Variants in LDLRAD3 observed in about 807,000 individuals in gnomAD.
The protein encoded by LDLRAD3 is low density lipoprotein receptor class A domain containing 3.
In LDLRAD3, 20 loss-of-function variants were observed where a neutral mutation model predicts 29.4. That is an observed-to-expected ratio of 0.68 (90% CI 0.48 to 0.99). The LOEUF (loss-of-function observed/expected upper bound fraction) is 0.99, where lower values mean the gene tolerates loss of function less well. Ranked by LOEUF, LDLRAD3 falls within the 50% of genes least tolerant of loss-of-function variation. LDLRAD3 has a pLI of 0.00. For missense variants in LDLRAD3, 420 were observed against 454.3 expected (o/e 0.92, Z 0.69); for synonymous variants, 157 against 192.7 (o/e 0.81, Z 1.53).
chr11:36,015,917 C>G (rs900452890), intron 1 of LDLRAD3, among the ~76,000 whole-genome samples: 18 of 152,132 alleles, frequency 1.2e-4, no homozygotes, highest in African/African-American at 4.3e-4. Context: ...TGAATGAGCT[C>G]GTCTGTTTTC....
At chr11:36,127,689 G>A (rs1430535751) in intron 4 of LDLRAD3, among the ~76,000 whole-genome samples, 2 of 152,094 alleles carry the variant, frequency 1.3e-5, no homozygotes, top group Admixed American at 6.5e-5. Flanking sequence ...GAGCCACCAT[G>A]CTAAGTTTTT....
intron 2 of LDLRAD3, among the ~76,000 whole-genome samples, chr11:36,054,328 TTGTA>T (rs1852573624): frequency 6.6e-6 from 1 of 152,180 alleles, no homozygotes; most frequent in South Asian, 2.1e-4. Context: ...TATTTACCCT[TTGTA>T]TGACTGCAGG....
intron 4 of LDLRAD3, among the ~76,000 whole-genome samples, chr11:36,105,864 C>A (rs1771588913): frequency 6.6e-6 from 1 of 152,162 alleles, no homozygotes; most frequent in South Asian, 2.1e-4. Flanking sequence ...GCAGCCGTAG[C>A]CAACTAATAC....
intron 4 of LDLRAD3, among the ~76,000 whole-genome samples, chr11:36,222,481 TGCATATATACCAG>T: frequency 6.6e-6 from 1 of 152,284 alleles, no homozygotes; most frequent in African/African-American, 2.4e-5. Context: ...TAGCCATGCC[TGCATATATACCAG>T]GCACGAATAT....
intron 4 of LDLRAD3, among the ~76,000 whole-genome samples, chr11:36,105,205 T>TTGTGTGTGTGTGTGTGTG (rs10565208): frequency 4.9e-4 from 68 of 138,556 alleles, no homozygotes; most frequent in African/African-American, 1.8e-3. Flanking sequence ...TCTGCAGAAT[T>TTGTGTGTGTGTGTGTGTG]TGTGTGTGTG....
intron 1 of LDLRAD3, among the ~76,000 whole-genome samples, chr11:36,035,800 A>C (rs2281693): frequency 0.17 from 26,382 of 152,162 alleles, 2,294 homozygotes; most frequent in Non-Finnish European, 0.2. Flanking sequence ...TGGCCAGAAA[A>C]GAACATTTGG....
chr11:35,973,462 G>GTTTC (rs1851440277), intron 1 of LDLRAD3, among the ~76,000 whole-genome samples: 4 of 151,916 alleles, frequency 2.6e-5, no homozygotes, highest in Admixed American at 2.6e-4. Context: ...TTGTTTGTTT[G>GTTTC]TTTTGTTTTT....
At chr11:36,177,278 A>C (rs967400068) in intron 4 of LDLRAD3, among the ~76,000 whole-genome samples, 7 of 152,276 alleles carry the variant, frequency 4.6e-5, no homozygotes, top group East Asian at 3.9e-4. Context: ...TGCCTCCATG[A>C]GTAGCTAAAC....
intron 2 of LDLRAD3, among the ~76,000 whole-genome samples, chr11:36,066,841 G>C (rs1852802692): frequency 6.6e-6 from 1 of 152,090 alleles, no homozygotes; most frequent in Non-Finnish European, 1.5e-5. Context: ...TGATATCTTT[G>C]TGAGTTCATA....
At chr11:36,195,086 G>A (rs1855012427) in intron 4 of LDLRAD3, among the ~76,000 whole-genome samples, 1 of 152,164 alleles carries the variant, frequency 6.6e-6, no homozygotes, top group Non-Finnish European at 1.5e-5. Flanking sequence ...CTTTTTAAAA[G>A]AGGAAATGAG....
intron 4 of LDLRAD3, among the ~76,000 whole-genome samples, chr11:36,194,369 G>T (rs1855000999): frequency 6.6e-6 from 1 of 152,178 alleles, no homozygotes; most frequent in African/African-American, 2.4e-5. Context: ...CCATCACCTA[G>T]CCAGATCAGA....
chr11:36,102,790 C>T (rs1424317142), intron 4 of LDLRAD3, among the ~76,000 whole-genome samples: 2 of 152,040 alleles, frequency 1.3e-5, no homozygotes, highest in Non-Finnish European at 2.9e-5. Flanking sequence ...GTGGGAGGGA[C>T]ACATCTGAGA....
chr11:36,216,709 G>A (rs929295754), intron 4 of LDLRAD3, among the ~76,000 whole-genome samples: 1 of 152,158 alleles, frequency 6.6e-6, no homozygotes, highest in Non-Finnish European at 1.5e-5. Flanking sequence ...GGGGGAAGGG[G>A]TTTAACTTGT....
Position 35,947,299 on chromosome 11 carries a change from A to G in LDLRAD3, c.46+3155A>G, listed in dbSNP as rs958712572. ...CAAGATGTGTGGATCGCTTGAGGTC[A>G]GGAGTTTGAGACCAGCCTGGCCAAC... On this transcript the variant is annotated intron_variant, in intron 1 of 5. Transcript: ENST00000315571. Among the ~76,000 whole-genome samples the G allele has an allele frequency of 5.3e-5, 8 of 151,590 alleles. 1 individual carries two copies. The highest frequency in any genetic ancestry group is 4.6e-4 in the Admixed American group (7 of 15,208).
chr11:36,150,296 G>A (rs936268406), intron 4 of LDLRAD3, among the ~76,000 whole-genome samples: 2 of 152,202 alleles, frequency 1.3e-5, no homozygotes, highest in African/African-American at 4.8e-5. Context: ...GGGAGGCTGA[G>A]GCAGCAGGAT....
intron 3 of LDLRAD3, among the ~76,000 whole-genome samples, chr11:36,090,437 G>A (rs1853262909): frequency 6.6e-6 from 1 of 152,134 alleles, no homozygotes; most frequent in African/African-American, 2.4e-5. Flanking sequence ...GAACCCATGA[G>A]GCAGTAGGAG....
At chr11:35,960,188 A>G (rs1851258424) in intron 1 of LDLRAD3, among the ~76,000 whole-genome samples, 1 of 152,096 alleles carries the variant, frequency 6.6e-6, no homozygotes, top group Admixed American at 6.5e-5. Context: ...GTTCCATCCC[A>G]TTTATAATTT....
intron 4 of LDLRAD3, among the ~76,000 whole-genome samples, chr11:36,134,382 G>A (rs534791983): frequency 1.3e-5 from 2 of 152,076 alleles, no homozygotes; most frequent in Admixed American, 6.6e-5. Flanking sequence ...TGTAAAAATC[G>A]AGTTTTCCTG....
chr11:35,988,097 A>G (rs941651346), intron 1 of LDLRAD3, among the ~76,000 whole-genome samples: 2 of 152,066 alleles, frequency 1.3e-5, no homozygotes, highest in Admixed American at 6.6e-5. Context: ...TCACTCTGTC[A>G]CCCAGGCTGG....
Sources: gnomAD v4.1 joint callset for allele counts (sites outside exome capture counted in the v4.1 genomes callset) on GRCh38, gnomAD v4.1.1 for gene constraint, MANE v1.5 for transcripts, NCBI Gene and HGNC (gene_info 2026-07-23, HGNC 2026-07-21) for gene names.